Variants in FRMD3 observed in about 807,000 individuals in gnomAD.
FRMD3 encodes FERM domain containing 3, also known as FERM domain-containing protein 3.
FRMD3 carries 33 observed loss-of-function variants against 70.2 expected under a neutral mutation model. The observed-to-expected ratio is 0.47, with a 90% CI of 0.36 to 0.63. The LOEUF (loss-of-function observed/expected upper bound fraction) is 0.63. Ranked by LOEUF, FRMD3 falls within the 20% of genes least tolerant of loss-of-function variation. The pLI is 0.00. For missense variants in FRMD3, 632 were observed against 711.4 expected (o/e 0.89, Z 1.27); for synonymous variants, 279 against 255.9 (o/e 1.09, Z -0.86).
intron 6 of FRMD3, among the ~76,000 whole-genome samples, chr9:83,331,025 C>G (rs1836237807): frequency 6.6e-6 from 1 of 152,208 alleles, no homozygotes; most frequent in South Asian, 2.1e-4. Flanking sequence ...GCTACAGCCA[C>G]TTTGGAAAAT....
At chr9:83,405,121 G>A (rs1826062442) in intron 1 of FRMD3, among the ~76,000 whole-genome samples, 1 of 152,166 alleles carries the variant, frequency 6.6e-6, no homozygotes, top group Admixed American at 6.5e-5. Context: ...GGGACCCCTT[G>A]TAGAGGCCCC....
intron 10 of FRMD3, among the ~76,000 whole-genome samples, chr9:83,304,496 T>G (rs574972612): frequency 6.6e-6 from 1 of 152,350 alleles, no homozygotes; most frequent in South Asian, 2.1e-4. Context: ...TGCATTCAAG[T>G]GTGAGAGGCA....
chr9:83,582,418 A>C, the FRMD3 span, among the ~76,000 whole-genome samples: 1 of 152,240 alleles, frequency 6.6e-6, no homozygotes, highest in Non-Finnish European at 1.5e-5. Flanking sequence ...ATTTGCTCTT[A>C]AACTTGATTT....
chr9:83,560,655 T>C, the FRMD3 span, among the ~76,000 whole-genome samples: 34 of 152,394 alleles, frequency 2.2e-4, 1 homozygote, highest in East Asian at 6.0e-3. Flanking sequence ...TGTTGTTGGA[T>C]ACATGGCTGC....
intron 6 of FRMD3, among the ~76,000 whole-genome samples, chr9:83,330,287 C>G (rs1427556631): frequency 6.6e-6 from 1 of 151,458 alleles, no homozygotes; most frequent in Admixed American, 6.6e-5. Context: ...TTGCTTGAAC[C>G]CAGGAGGTGG....
rs181989521 is a variant in FRMD3, at chr9:83,393,769, G to A, written c.148-4061C>T. On this transcript the variant is annotated intron_variant, in intron 1 of 13. Coordinates refer to ENST00000304195, the MANE Select transcript of FRMD3 (RefSeq NM_174938.6). ...GAGCTCAGGTAGTACTGCGAGGGAT[G>A]GGGAGCAGCTGTAAATACAGATGAA... Among the ~76,000 whole-genome samples, 243 of 152,152 alleles carry A rather than the reference G, an allele frequency of 1.6e-3. 3 individuals are homozygous for A. The highest frequency in any genetic ancestry group is 5.6e-3 in the African/African-American group (233 of 41,522).
intron 13 of FRMD3, among the ~76,000 whole-genome samples, chr9:83,264,941 T>C (rs1397814225): frequency 6.6e-6 from 1 of 152,072 alleles, no homozygotes; most frequent in African/African-American, 2.4e-5. Flanking sequence ...TAAGCAGTTA[T>C]TATCAGCAAT....
At chr9:83,255,791 T>G (rs545559831) in intron 13 of FRMD3, among the ~76,000 whole-genome samples, 1 of 152,030 alleles carries the variant, frequency 6.6e-6, no homozygotes, top group African/African-American at 2.4e-5. Context: ...GCAAAAAGAA[T>G]AAAATACCTT....
chr9:83,435,930 CA>C (rs1415192053), intron 1 of FRMD3, among the ~76,000 whole-genome samples: 1 of 152,056 alleles, frequency 6.6e-6, no homozygotes, highest in African/African-American at 2.4e-5. Flanking sequence ...ATATGCCACC[CA>C]AAAATCCCCA....
chr9:83,272,438 C>T (rs1386214773), intron 13 of FRMD3, among the ~76,000 whole-genome samples: 8 of 152,010 alleles, frequency 5.3e-5, no homozygotes, highest in Non-Finnish European at 1.0e-4. Flanking sequence ...AGTGCAGTGG[C>T]GTGATCCCCG....
At chr9:83,576,061 A>C in the FRMD3 span, among the ~76,000 whole-genome samples, 1 of 151,976 alleles carries the variant, frequency 6.6e-6, no homozygotes, top group Non-Finnish European at 1.5e-5. Context: ...AAAATAAAAA[A>C]TTTTCTAAAA....
At chr9:83,448,594 T>C (rs555781772) in intron 1 of FRMD3, among the ~76,000 whole-genome samples, 60 of 152,118 alleles carry the variant, frequency 3.9e-4, no homozygotes, top group Non-Finnish European at 7.8e-4. Flanking sequence ...AGCTCCACTG[T>C]ATCTCAGAAG....
chr9:83,328,203 C>T (rs1316513186), intron 6 of FRMD3, among the ~76,000 whole-genome samples: 2 of 150,254 alleles, frequency 1.3e-5, no homozygotes, highest in African/African-American at 4.9e-5. Flanking sequence ...AAAATGGTGG[C>T]TGCAAACTCA....
chr9:83,307,502 A>T (rs1362014188), intron 10 of FRMD3, among the ~76,000 whole-genome samples: 1 of 152,288 alleles, frequency 6.6e-6, no homozygotes, highest in Non-Finnish European at 1.5e-5. Context: ...AAGTACTGAG[A>T]CATGTTATAA....
chr9:83,567,888 C>A, the FRMD3 span, among the ~76,000 whole-genome samples: 439 of 152,266 alleles, frequency 2.9e-3, 2 homozygotes, highest in Admixed American at 0.011. Flanking sequence ...TCTTCTGAGC[C>A]CTCCAAACTG....
At chr9:83,581,743 A>G in the FRMD3 span, among the ~76,000 whole-genome samples, 1 of 152,260 alleles carries the variant, frequency 6.6e-6, no homozygotes, top group Non-Finnish European at 1.5e-5. Flanking sequence ...TGAATAAATA[A>G]AATGTGGCAT....
intron 1 of FRMD3, among the ~76,000 whole-genome samples, chr9:83,533,908 T>C (rs545790109): frequency 2.0e-5 from 3 of 152,256 alleles, no homozygotes; most frequent in African/African-American, 7.2e-5. Context: ...ATGAATAATG[T>C]CAAAAATCTA....
chr9:83,531,327 C>T (rs1028920294), intron 1 of FRMD3, among the ~76,000 whole-genome samples: 5 of 152,152 alleles, frequency 3.3e-5, no homozygotes, highest in African/African-American at 1.2e-4. Flanking sequence ...GCTGATACAC[C>T]GTCAATGTGC....
intron 8 of FRMD3, 74 bp downstream of exon 8, chr9:83,311,813 C>T (rs1270771898): frequency 9.5e-6 from 10 of 1,052,816 alleles, no homozygotes; most frequent in Middle Eastern, 2.0e-4. Flanking sequence ...GACACTTGCC[C>T]GAGAAGCCAA....
Sources: allele counts gnomAD v4.1 joint callset (sites outside exome capture counted in the v4.1 genomes callset), GRCh38; gene constraint gnomAD v4.1.1; transcripts MANE v1.5; gene names NCBI Gene and HGNC (gene_info 2026-07-23, HGNC 2026-07-21).